The following CLEC2D variants were observed in gnomAD, a reference collection of about 807,000 sequenced individuals.
CLEC2D encodes C-type lectin related f.
CLEC2D carries 16 observed loss-of-function variants against 20.0 expected under a neutral mutation model. The ratio of observed to expected loss-of-function variants is 0.80; its 90% CI spans 0.54 to 1.22. CLEC2D has a LOEUF of 1.22. CLEC2D is among the 50% of genes most tolerant of loss of function. The probability of loss-of-function intolerance (pLI) is 0.00; values close to 1 mark genes in which losing one functional copy is unlikely to be tolerated. For missense variants in CLEC2D, 207 were observed against 221.5 expected (o/e 0.93, Z 0.42); for synonymous variants, 77 against 71.1 (o/e 1.08, Z -0.42).
chr12:9,692,006 C>T (rs1162540575), intron 3 of CLEC2D, among the ~76,000 whole-genome samples: 3 of 152,154 alleles, frequency 2.0e-5, no homozygotes, highest in Non-Finnish European at 2.9e-5. Flanking sequence ...TACACATTGA[C>T]AAGGAAACAC....
At chr12:9,682,238 G>A (rs1426153864) in intron 2 of CLEC2D, among the ~76,000 whole-genome samples, 1 of 151,682 alleles carries the variant, frequency 6.6e-6, no homozygotes, top group African/African-American at 2.4e-5. Context: ...TCATTTTTAT[G>A]TTTTATTTAA....
Position 9,695,874 on chromosome 12 carries a change from AGATGATGATGAT to A in CLEC2D, c.*1009_*1020del. ...CTGCTGCTGATGATGATGATGATGAAGATGATGATGATGATGATGACGAGGAAGCTGAAGAAA... is the reference window on the plus strand; with the variant it reads ...CTGCTGCTGATGATGATGATGATGAAGATGATGACGAGGAAGCTGAAGAAA... On this transcript the variant is annotated 3_prime_UTR_variant, in exon 5 of 5. Coordinates refer to ENST00000290855, the MANE Select transcript of CLEC2D (RefSeq NM_013269.6). 11 of 899,356 alleles carry A rather than the reference AGATGATGATGAT, an allele frequency of 1.2e-5. No homozygotes were observed. The highest frequency in any genetic ancestry group is 4.5e-5 in the South Asian group (3 of 66,018). The allele number at this position is 899,356 out of a possible 1,614,324, so 55.7% of individuals were successfully genotyped here.
chr12:9,674,981 T>C (rs1865493310), intron 1 of CLEC2D, among the ~76,000 whole-genome samples: 1 of 152,180 alleles, frequency 6.6e-6, no homozygotes, highest in African/African-American at 2.4e-5. Flanking sequence ...TGAGTCATTT[T>C]GGGGAAAAAT....
At chr12:9,673,662 GCTGAAC>G (rs1316151127) in intron 1 of CLEC2D, among the ~76,000 whole-genome samples, 1 of 152,244 alleles carries the variant, frequency 6.6e-6, no homozygotes, top group Non-Finnish European at 1.5e-5. Context: ...AGATAAGTCT[GCTGAAC>G]CTGAAACTGC....
chr12:9,673,602 A>C (rs1865465071), intron 1 of CLEC2D, among the ~76,000 whole-genome samples: 1 of 152,224 alleles, frequency 6.6e-6, no homozygotes, highest in Admixed American at 6.5e-5. Flanking sequence ...GTGCTGGGGG[A>C]ATCCCACTCA....
In CLEC2D at chr12:9,695,711, A is replaced by G. The variant is rs1865969506; in HGVS notation, c.*837A>G. On this transcript the variant is annotated 3_prime_UTR_variant, in exon 5 of 5. Coordinates refer to ENST00000290855, the MANE Select transcript of CLEC2D (RefSeq NM_013269.6). ...TTGAAGTGTGGTTCAGGGCCAGTGC[A>G]TATTAGTGGACAGCACTTAGTAGCT... 3 of 1,553,378 alleles carry G rather than the reference A, an allele frequency of 1.9e-6. No homozygotes were observed. Among genetic ancestry groups the G allele is most frequent in the Admixed American group, 1.7e-5 (1 of 59,840 alleles).
chr12:9,688,521 C>G (rs750670075), intron 3 of CLEC2D, among the ~76,000 whole-genome samples: 1 of 152,162 alleles, frequency 6.6e-6, no homozygotes, highest in Non-Finnish European at 1.5e-5. Context: ...AGTTTGAGAT[C>G]AGCCTGGCCA....
Position 9,694,819 on chromosome 12 carries a change from C to T in CLEC2D, c.521C>T (p.Ala174Val). 1 of 1,612,566 alleles carries T rather than the reference C, an allele frequency of 6.2e-7. No individual in the cohort carries two copies. Among genetic ancestry groups the T allele is most frequent in the Non-Finnish European group, 8.5e-7 (1 of 1,178,762 alleles). ...AYLNDKGASS[A>V]RHYTERKWIC... ...TTGAATGACAAAGGTGCCAGTAGTG[C>T]CAGGCACTACACAGAGAGGAAGTGG... is the stretch of plus-strand genomic sequence containing the variant. The change falls in exon 5 of 5, where the codon GCC becomes GTC. Residue 174 changes from alanine (A) to valine (V), a missense_variant. Physicochemically the swap from Ala to Val is moderately conservative, Grantham distance 64 (BLOSUM62 0). Transcript: ENST00000290855.
intron 3 of CLEC2D, among the ~76,000 whole-genome samples, chr12:9,691,116 G>A (rs1264656131): frequency 1.3e-5 from 2 of 152,046 alleles, no homozygotes; most frequent in Non-Finnish European, 2.9e-5. Flanking sequence ...AGATAGTGCC[G>A]AGTGGCTATA....
intron 4 of CLEC2D, chr12:9,693,262 G>A (rs1865906470): frequency 1.7e-6 from 1 of 598,634 alleles, no homozygotes; most frequent in Non-Finnish European, 3.0e-6. Context: ...TGATTTCACA[G>A]GGTTGATGTG....
intron 1 of CLEC2D, among the ~76,000 whole-genome samples, chr12:9,676,383 A>G (rs954356626): frequency 6.6e-6 from 1 of 152,202 alleles, no homozygotes; most frequent in Non-Finnish European, 1.5e-5. Context: ...ACTGAAAGTT[A>G]TCACAAATGG....
Position 9,687,687 on chromosome 12 carries a change from C to T in CLEC2D, c.173-215C>T, listed in dbSNP as rs1019472980. Reference sequence around the variant, plus strand: ...TACTAATAACTCCTTTTTCAGCTCACCCCCTGCTGAAGGCATGAGTTTGAA... The same window carrying T: ...TACTAATAACTCCTTTTTCAGCTCATCCCCTGCTGAAGGCATGAGTTTGAA... On this transcript the variant is annotated intron_variant, in intron 2 of 4. Transcript: ENST00000290855. 2.0e-5 allele frequency among the ~76,000 whole-genome samples: 3 copies of T among 152,116 alleles called. No homozygotes were observed. In the South Asian group the frequency reaches 6.2e-4, roughly 31 times the overall value.
chr12:9,689,741 TGAA>T lies in CLEC2D; in HGVS notation c.357+1660_357+1662del, dbSNP rs1338126462. On this transcript the variant is annotated intron_variant, in intron 3 of 4. Coordinates refer to ENST00000290855, the MANE Select transcript of CLEC2D (RefSeq NM_013269.6). The stretch of plus-strand genomic sequence containing the variant: ...TTTAAAAATAATTTTAAAAACTCAA[TGAA>T]GAAGTTCAACAGCAGATTTGAGAAG... 2.0e-5 allele frequency among the ~76,000 whole-genome samples: 3 copies of T among 152,082 alleles called. No homozygotes were observed. The South Asian group carries it at 6.2e-4, about 31-fold the overall frequency.
chr12:9,674,000 T>C (rs1037488812), intron 1 of CLEC2D: 2 of 152,454 alleles, frequency 1.3e-5, no homozygotes, highest in Non-Finnish European at 2.9e-5. Flanking sequence ...CTCAAGCCAG[T>C]GGGTCTTAGC....
chr12:9,681,504 A>G (rs907447033), intron 2 of CLEC2D, among the ~76,000 whole-genome samples: 1 of 152,134 alleles, frequency 6.6e-6, no homozygotes, highest in Non-Finnish European at 1.5e-5. Flanking sequence ...TTTTTAGCAT[A>G]TGTAGCCCAT....
rs1412952675 is a variant in CLEC2D at position 9,697,047 on chromosome 12, A to G, written c.*2173A>G. On this transcript the variant is annotated 3_prime_UTR_variant, in exon 5 of 5. Transcript: ENST00000290855. ...TATATACATACATACATATATATAT[A>G]TATATAAAAAATAGAATATTATTCA... is the stretch of plus-strand genomic sequence containing the variant. 2 of 149,748 alleles carry G rather than the reference A, an allele frequency of 1.3e-5. No individual in the cohort carries two copies. Among genetic ancestry groups the G allele is most frequent in the Non-Finnish European group, 3.0e-5 (2 of 67,328 alleles). The allele number at this position is 149,748 out of a possible 1,614,324, so 9.3% of individuals were successfully genotyped here.
intron 3 of CLEC2D, among the ~76,000 whole-genome samples, chr12:9,691,205 A>C (rs763241187): frequency 1.7e-5 from 2 of 121,072 alleles, no homozygotes; most frequent in Non-Finnish European, 3.4e-5. Flanking sequence ...AAATTTTGAC[A>C]TAGCCAAATA....
intron 3 of CLEC2D, 104 bp downstream of exon 3, chr12:9,688,190 ATTT>A (rs71045286): frequency 0.019 from 15,111 of 775,214 alleles, no homozygotes; most frequent in East Asian, 0.038. Context: ...TTTTACATTG[ATTT>A]TTTTTTTTTT....
chr12:9,679,713 A>G (rs1348935194), intron 1 of CLEC2D, among the ~76,000 whole-genome samples: 1 of 152,174 alleles, frequency 6.6e-6, no homozygotes, highest in Non-Finnish European at 1.5e-5. Context: ...GATTAAGACA[A>G]ATATCTTGGG....
Sources: gnomAD v4.1 joint callset for allele counts (sites outside exome capture counted in the v4.1 genomes callset) on GRCh38, gnomAD v4.1.1 for gene constraint, MANE v1.5 for transcripts, NCBI Gene and HGNC (gene_info 2026-07-23, HGNC 2026-07-21) for gene names.